Variants in MBNL2 observed in about 807,000 individuals in gnomAD.
MBNL2 encodes muscleblind like splicing regulator 2.
MBNL2 carries 17 observed loss-of-function variants against 41.9 expected under a neutral mutation model. The observed-to-expected ratio is 0.41, with a 90% CI of 0.28 to 0.61. MBNL2 has a LOEUF of 0.61. MBNL2 is among the 20% of genes least tolerant of loss of function. The pLI is 0.35. For synonymous variants in MBNL2, 195 were observed against 182.9 expected, an observed-to-expected ratio of 1.07 and a Z score of -0.53; for missense variants, 336 against 505.6, an observed-to-expected ratio of 0.66 and a Z score of 3.22.
intron 5 of MBNL2, among the ~76,000 whole-genome samples, chr13:97,348,993 T>C (rs529750070): frequency 1.8e-4 from 27 of 152,316 alleles, no homozygotes; most frequent in African/African-American, 6.5e-4. Flanking sequence ...ACCTTTCCAA[T>C]TTGAGCTGCT....
At position 97,334,161 on chromosome 13, in the gene MBNL2, C is replaced by CACACACAT; in HGVS notation, c.175-108_175-107insTACACACA. On this transcript the variant is annotated intron_variant, in intron 2 of 8. Transcript: ENST00000679496. The surrounding 1 kb of genome is among the most constrained non-coding windows in gnomAD (Gnocchi z 5.3). Reference sequence around the variant, plus strand: ...GCGCGCGCACACCCACACACACACACACACACACACACACAGGATCCTTGC... The same window carrying CACACACAT: ...GCGCGCGCACACCCACACACACACACACACACATACACACACACACACAGGATCCTTGC... 1 of 755,218 alleles carries CACACACAT rather than the reference C, an allele frequency of 1.3e-6. No individual in the cohort carries two copies. Among genetic ancestry groups the CACACACAT allele is most frequent in the Non-Finnish European group, 2.2e-6 (1 of 460,190 alleles). 46.8% of individuals were successfully genotyped at this position (755,218 alleles called of 1,614,324 possible).
intron 7 of MBNL2, among the ~76,000 whole-genome samples, chr13:97,360,566 T>C (rs2063315449): frequency 6.6e-6 from 1 of 152,380 alleles, no homozygotes; most frequent in South Asian, 2.1e-4. Context: ...TAAGTTACTG[T>C]AAGTGTTCTT....
rs80279143 is a variant in MBNL2 at position 97,368,855 on chromosome 13, T to G, written c.1048+3684T>G. Among the ~76,000 whole-genome samples the G allele has an allele frequency of 3.7e-3, 566 of 152,282 alleles. 3 individuals carry two copies. The highest frequency in any genetic ancestry group is 0.013 in the African/African-American group (544 of 41,542). The stretch of plus-strand genomic sequence containing the variant: ...AAATAAGTTGAGGTTTCAACTTCTT[T>G]AATTGCAAGCATAGCTGAACTCTGA... On this transcript the variant is annotated intron_variant, in intron 8 of 8. Coordinates refer to ENST00000679496, the MANE Select transcript of MBNL2 (RefSeq NM_001382683.1).
intron 1 of MBNL2, among the ~76,000 whole-genome samples, chr13:97,228,730 A>G (rs2042002016): frequency 6.6e-6 from 1 of 151,648 alleles, no homozygotes; most frequent in African/African-American, 2.4e-5. Flanking sequence ...GGGTTTCACC[A>G]TATTGGCCAG....
the MBNL2 span, among the ~76,000 whole-genome samples, chr13:97,163,397 C>T: frequency 6.6e-6 from 1 of 152,066 alleles, no homozygotes; most frequent in Non-Finnish European, 1.5e-5. Flanking sequence ...CACCACCTAA[C>T]TGGGATGGGA....
At chr13:97,203,309 A>C in the MBNL2 span, among the ~76,000 whole-genome samples, 1 of 152,134 alleles carries the variant, frequency 6.6e-6, no homozygotes, top group Non-Finnish European at 1.5e-5. Flanking sequence ...TTGTTAATTC[A>C]CATACAAATT....
intron 2 of MBNL2, among the ~76,000 whole-genome samples, chr13:97,291,467 C>G (rs1167429936): frequency 6.6e-6 from 1 of 151,906 alleles, no homozygotes; most frequent in African/African-American, 2.4e-5. Flanking sequence ...GGTCTCAATC[C>G]CCTGACCTCG....
chr13:97,190,045 G>C, the MBNL2 span, among the ~76,000 whole-genome samples: 2 of 152,364 alleles, frequency 1.3e-5, no homozygotes, highest in African/African-American at 4.8e-5. Flanking sequence ...TGTCAGCAGT[G>C]TGTAAGACAG....
At chr13:97,193,383 G>A in the MBNL2 span, among the ~76,000 whole-genome samples, 63 of 152,194 alleles carry the variant, frequency 4.1e-4, no homozygotes, top group Non-Finnish European at 6.0e-4. Flanking sequence ...GCAGAACACT[G>A]AAAAGTATGT....
At chr13:97,180,764 A>AG in the MBNL2 span, among the ~76,000 whole-genome samples, 1 of 139,148 alleles carries the variant, frequency 7.2e-6, no homozygotes, top group Non-Finnish European at 1.6e-5. Flanking sequence ...AAAAAAAAAA[A>AG]CATGTTGTAC....
intron 8 of MBNL2, among the ~76,000 whole-genome samples, chr13:97,376,397 A>C (rs371257514): frequency 1.3e-5 from 2 of 152,178 alleles, no homozygotes; most frequent in African/African-American, 4.8e-5. Flanking sequence ...TTGTACTATA[A>C]AGGACAAATT....
intron 8 of MBNL2, among the ~76,000 whole-genome samples, chr13:97,375,754 C>T (rs538842988): frequency 5.3e-5 from 8 of 152,288 alleles, no homozygotes; most frequent in African/African-American, 1.7e-4. Context: ...CATTCTTCCT[C>T]GATAGCATGT....
Position 97,268,622 on chromosome 13 carries a change from A to C in MBNL2, c.-604-7010A>C, listed in dbSNP as rs1198762678. Among the ~76,000 whole-genome samples the C allele has an allele frequency of 6.6e-6, 1 of 152,234 alleles. No individual in the cohort carries two copies. Among genetic ancestry groups the C allele is most frequent in the Non-Finnish European group, 1.5e-5 (1 of 68,038 alleles). ...ACTGGAATTCCCCATTCAGAGCATT[A>C]GTCCTTTAGCTTAGACTTTGGTTCT... is the stretch of plus-strand genomic sequence containing the variant. On this transcript the variant is annotated intron_variant, in intron 1 of 8. Coordinates refer to ENST00000679496, the MANE Select transcript of MBNL2 (RefSeq NM_001382683.1). The surrounding 1 kb of genome is among the most constrained non-coding windows in gnomAD (Gnocchi z 4.6).
At chr13:97,351,197 G>A (rs1308624067) in intron 5 of MBNL2, among the ~76,000 whole-genome samples, 2 of 152,152 alleles carry the variant, frequency 1.3e-5, no homozygotes, top group Non-Finnish European at 2.9e-5. Context: ...CTTTTTTTCT[G>A]AGCAGTAGGT....
chr13:97,163,431 C>T, the MBNL2 span, among the ~76,000 whole-genome samples: 1 of 122,528 alleles, frequency 8.2e-6, no homozygotes, highest in South Asian at 2.9e-4. Context: ...GGTCCAGGCA[C>T]ACTCCTCAGC....
At chr13:97,385,914 AC>A (rs1242520546) in intron 8 of MBNL2, among the ~76,000 whole-genome samples, 1 of 152,160 alleles carries the variant, frequency 6.6e-6, no homozygotes, top group Non-Finnish European at 1.5e-5. Context: ...TTTGCTTTGA[AC>A]CAAGTGTGTT....
chr13:97,158,710 G>A, the MBNL2 span, among the ~76,000 whole-genome samples: 1 of 152,022 alleles, frequency 6.6e-6, no homozygotes, highest in Non-Finnish European at 1.5e-5. Context: ...GCGGTTTTGA[G>A]TGAGATTCTT....
At chr13:97,257,416 A>G (rs1348555946) in intron 1 of MBNL2, among the ~76,000 whole-genome samples, 2 of 152,220 alleles carry the variant, frequency 1.3e-5, no homozygotes, top group African/African-American at 4.8e-5. Context: ...CTCTTAAAAA[A>G]CACTTACAGG....
intron 1 of MBNL2, among the ~76,000 whole-genome samples, chr13:97,230,814 G>T (rs1035315518): frequency 6.6e-6 from 1 of 152,176 alleles, no homozygotes; most frequent in African/African-American, 2.4e-5. Context: ...TTCTGGCTGT[G>T]GTCCTTTTGG....
Sources: gnomAD v4.1 joint callset for allele counts (sites outside exome capture counted in the v4.1 genomes callset) on GRCh38, gnomAD v4.1.1 for gene constraint, Gnocchi (gnomAD v3.1) non-coding constraint, MANE v1.5 for transcripts, NCBI Gene and HGNC (gene_info 2026-07-23, HGNC 2026-07-21) for gene names.